The following SLC6A5 variants were observed in gnomAD, a reference collection of about 807,000 sequenced individuals.
The protein encoded by SLC6A5 is sodium- and chloride-dependent glycine transporter 2.
Under a neutral mutation model 90.5 loss-of-function variants are expected in SLC6A5, and 58 were observed. The observed-to-expected ratio is 0.64, with a 90% CI of 0.52 to 0.80. The LOEUF is 0.80. SLC6A5 is among the 30% of genes least tolerant of loss of function. The pLI, the probability that SLC6A5 is intolerant of heterozygous loss-of-function variation, is 0.00. For missense variants in SLC6A5, 1,015 were observed against 1,017.6 expected (o/e 1.00, Z 0.03); for synonymous variants, 427 against 401.4 (o/e 1.06, Z -0.76).
At chr11:20,654,232 G>T (rs1282779368) in intron 15 of SLC6A5, among the ~76,000 whole-genome samples, 1 of 151,860 alleles carries the variant, frequency 6.6e-6, no homozygotes, top group African/African-American at 2.4e-5. Flanking sequence ...TTTTCCTCCG[G>T]TCATTTATAT....
chr11:20,623,195 G>A (rs1852925620), intron 7 of SLC6A5, among the ~76,000 whole-genome samples: 1 of 152,194 alleles, frequency 6.6e-6, no homozygotes, highest in South Asian at 2.1e-4. Context: ...GTGTCACAGT[G>A]GAGAGAAAAG....
At chr11:20,620,891 C>G (rs1311454437) in intron 7 of SLC6A5, among the ~76,000 whole-genome samples, 4 of 152,112 alleles carry the variant, frequency 2.6e-5, no homozygotes, top group African/African-American at 7.2e-5. Flanking sequence ...CCTCCACCTC[C>G]TGGGTTCAAG....
intron 7 of SLC6A5, among the ~76,000 whole-genome samples, chr11:20,621,209 A>G (rs1439026226): frequency 1.3e-5 from 2 of 152,214 alleles, no homozygotes; most frequent in East Asian, 3.9e-4. Context: ...AGTGGGGGAA[A>G]AAATCCCCCC....
At chr11:20,633,423 G>T (rs1853143701) in intron 10 of SLC6A5, among the ~76,000 whole-genome samples, 1 of 152,114 alleles carries the variant, frequency 6.6e-6, no homozygotes, top group Non-Finnish European at 1.5e-5. Flanking sequence ...CAATCCTTCT[G>T]CCCAAAGGCA....
intron 13 of SLC6A5, among the ~76,000 whole-genome samples, chr11:20,646,425 A>T (rs1034069360): frequency 1.3e-5 from 2 of 152,194 alleles, no homozygotes; most frequent in Admixed American, 1.3e-4. Flanking sequence ...CTAAATTCCA[A>T]TGCTTTCAGA....
chr11:20,636,451 T>G, intron 11 of SLC6A5, 32 bp downstream of exon 11: 1 of 1,383,454 alleles, frequency 7.2e-7, no homozygotes, highest in Non-Finnish European at 1.0e-6. Flanking sequence ...CTCTATCCCA[T>G]GCTCCTCTTG....
chr11:20,618,155 C>G (rs540132069), intron 7 of SLC6A5, among the ~76,000 whole-genome samples: 1 of 152,220 alleles, frequency 6.6e-6, no homozygotes, highest in Non-Finnish European at 1.5e-5. Flanking sequence ...GATTTCCTTC[C>G]TTTCCTCTCA....
intron 13 of SLC6A5, among the ~76,000 whole-genome samples, chr11:20,644,243 C>T (rs946752125): frequency 4.6e-5 from 7 of 152,200 alleles, no homozygotes; most frequent in African/African-American, 9.7e-5. Flanking sequence ...CCATTTTCCC[C>T]ATTCTCCAAC....
At chr11:20,649,556 C>T (rs1389266725) in intron 14 of SLC6A5, among the ~76,000 whole-genome samples, 1 of 152,142 alleles carries the variant, frequency 6.6e-6, no homozygotes, top group Non-Finnish European at 1.5e-5. Context: ...AAGCCCAACA[C>T]TTATTTTTTG....
At chr11:20,630,992 T>A (rs1437205765) in intron 10 of SLC6A5, among the ~76,000 whole-genome samples, 177 bp downstream of exon 10, 2 of 152,118 alleles carry the variant, frequency 1.3e-5, no homozygotes, top group Non-Finnish European at 2.9e-5. Context: ...CACTGCAGAG[T>A]CAGAACTGGC....
At position 20,607,108 on chromosome 11, in the gene SLC6A5, T is replaced by A. The variant is rs1224878718; in HGVS notation, c.781T>A (p.Ser261Thr). 1 of 1,614,122 alleles carries A rather than the reference T, an allele frequency of 6.2e-7. No individual in the cohort carries two copies. Among genetic ancestry groups the A allele is most frequent in the Admixed American group, 1.7e-5 (1 of 60,012 alleles). ...CCAGTTTGCCAGCCAGGGACCAGTG[T>A]CTGTGTGGAAGGCCATCCCAGCTCT... Reference protein sequence around the residue: ...LGQFASQGPVSVWKAIPALQG... With the variant: ...LGQFASQGPVTVWKAIPALQG... Residue 261 changes from serine (S) to threonine (T), a missense_variant, in exon 4 of 16, where the codon TCT becomes ACT. Ser to Thr is a moderately conservative substitution (Grantham distance 58). Coordinates refer to ENST00000525748, the MANE Select transcript of SLC6A5 (RefSeq NM_004211.5).
chr11:20,635,406 C>CG (rs1281181439), intron 10 of SLC6A5, among the ~76,000 whole-genome samples: 24 of 152,140 alleles, frequency 1.6e-4, no homozygotes, highest in Admixed American at 3.9e-4. Flanking sequence ...GCGCCGCCCC[C>CG]CCGCAACCCG....
intron 7 of SLC6A5, among the ~76,000 whole-genome samples, chr11:20,623,948 A>C (rs1388863587): frequency 1.3e-5 from 2 of 151,960 alleles, no homozygotes; most frequent in African/African-American, 4.8e-5. Context: ...AATATGCCAC[A>C]AATAATACTT....
At chr11:20,607,742 G>A (rs1260239069) in intron 5 of SLC6A5, 90 bp downstream of exon 5, 5 of 998,018 alleles carry the variant, frequency 5.0e-6, no homozygotes, top group African/African-American at 1.6e-5. Context: ...TGCATGCTAG[G>A]ACCTATACTA....
At position 20,655,164 on chromosome 11, in the gene SLC6A5, T is replaced by A; in HGVS notation, c.*296T>A. 1 of 412,838 alleles carries A rather than the reference T, an allele frequency of 2.4e-6. No homozygotes were observed. The highest frequency in any genetic ancestry group is 4.6e-6 in the Non-Finnish European group (1 of 217,516). 25.6% of individuals were successfully genotyped at this position (412,838 alleles called of 1,614,324 possible). On this transcript the variant is annotated 3_prime_UTR_variant, in exon 16 of 16. Coordinates refer to ENST00000525748, the MANE Select transcript of SLC6A5 (RefSeq NM_004211.5). Reference sequence around the variant, plus strand: ...GGAGGATCAGTTAGGTGAGCACTGGTAGGTATGCGTGGTTTTGTCAATAGA... The same window carrying A: ...GGAGGATCAGTTAGGTGAGCACTGGAAGGTATGCGTGGTTTTGTCAATAGA...
chr11:20,609,378 A>T (rs909763616), intron 5 of SLC6A5, among the ~76,000 whole-genome samples: 2 of 151,602 alleles, frequency 1.3e-5, no homozygotes, highest in Non-Finnish European at 2.9e-5. Flanking sequence ...TTATCAGCAC[A>T]TGAGTGTGTT....
In SLC6A5 at chr11:20,652,652, C is replaced by G. The variant is rs185170891; in HGVS notation, c.2238+196C>G. Reference sequence around the variant, plus strand: ...CCTCTAATGGAGGGGCTCAGCCAGTCTGCAAGCAGAACTGTTATTATGCTG... The same window carrying G: ...CCTCTAATGGAGGGGCTCAGCCAGTGTGCAAGCAGAACTGTTATTATGCTG... On this transcript the variant is annotated intron_variant, in intron 15 of 15. Coordinates refer to ENST00000525748, the MANE Select transcript of SLC6A5 (RefSeq NM_004211.5). 1.3e-3 allele frequency among the ~76,000 whole-genome samples: 205 copies of G among 152,346 alleles called. 1 individual carries two copies. The highest frequency in any genetic ancestry group is 2.4e-3 in the Admixed American group (36 of 15,308).
intron 15 of SLC6A5, among the ~76,000 whole-genome samples, chr11:20,652,998 T>G (rs1853571000): frequency 6.6e-6 from 1 of 152,188 alleles, no homozygotes; most frequent in African/African-American, 2.4e-5. Flanking sequence ...GAGGTGAGAC[T>G]TGTCTTTCTT....
intron 14 of SLC6A5, among the ~76,000 whole-genome samples, chr11:20,648,154 C>T (rs1853457034): frequency 6.6e-6 from 1 of 152,148 alleles, no homozygotes; most frequent in Non-Finnish European, 1.5e-5. Flanking sequence ...GGCTGTAATT[C>T]CCACAGAATC....
Sources: gnomAD v4.1 joint callset for allele counts (sites outside exome capture counted in the v4.1 genomes callset) on GRCh38, gnomAD v4.1.1 for gene constraint, MANE v1.5 for transcripts, NCBI Gene and HGNC (gene_info 2026-07-23, HGNC 2026-07-21) for gene names.